MLLT3: variants seen among roughly 807,000 people sequenced by gnomAD.
The protein encoded by MLLT3 is MLLT3 super elongation complex subunit.
MLLT3 carries 4 observed loss-of-function variants against 53.2 expected under a neutral mutation model. The observed-to-expected ratio is 0.08, with a 90% CI of 0.04 to 0.17. MLLT3 has a LOEUF of 0.17. Ranked by LOEUF, MLLT3 falls within the 10% of genes least tolerant of loss-of-function variation. The pLI is 1.00. For synonymous variants in MLLT3, 283 were observed against 230.6 expected, an observed-to-expected ratio of 1.23 and a Z score of -2.06; for missense variants, 569 against 684.0, an observed-to-expected ratio of 0.83 and a Z score of 1.87.
At chr9:20,413,493 A>C (rs1317769988) in intron 5 of MLLT3, among the ~76,000 whole-genome samples, 2 of 152,214 alleles carry the variant, frequency 1.3e-5, no homozygotes, top group African/African-American at 4.8e-5. Context: ...CTATGGAAAT[A>C]TCTTTCCTTT....
rs1365455819 is a variant in MLLT3, at chr9:20,346,367, A to G, written c.*76T>C. The G allele has an allele frequency of 2.8e-6, 4 of 1,428,810 alleles. No individual in the cohort carries two copies. In the African/African-American group the frequency reaches 5.8e-5, roughly 21 times the overall value. 88.5% of individuals were successfully genotyped at this position (1,428,810 alleles called of 1,614,324 possible). ...TGTTTTCATATAAACAACAAGAACAAAAAATCACAACCAAAAAAAAAAAAA... is the reference window on the plus strand; with the variant it reads ...TGTTTTCATATAAACAACAAGAACAGAAAATCACAACCAAAAAAAAAAAAA... On this transcript the variant is annotated 3_prime_UTR_variant, in exon 11 of 11. Transcript: ENST00000380338.
intron 2 of MLLT3, among the ~76,000 whole-genome samples, chr9:20,582,389 C>T (rs1381286450): frequency 6.6e-6 from 1 of 152,104 alleles, no homozygotes; most frequent in Non-Finnish European, 1.5e-5. Context: ...TCTACCTATT[C>T]GTCCCTTCCT....
In MLLT3 at chr9:20,527,236, A is replaced by T. The variant is rs529036443; in HGVS notation, c.194-70450T>A. Among the ~76,000 whole-genome samples, 12 of 152,320 alleles carry T rather than the reference A, an allele frequency of 7.9e-5. No individual in the cohort carries two copies. In the East Asian group the frequency reaches 1.9e-3, roughly 25 times the overall value. On this transcript the variant is annotated intron_variant, in intron 2 of 10. Transcript: ENST00000380338. ...AGGGAAATCTGGAGGTGAACCATCA[A>T]GAAATTTAATACATTTATCAGGTAG...
intron 5 of MLLT3, among the ~76,000 whole-genome samples, chr9:20,384,262 G>A (rs1212863764): frequency 6.6e-6 from 1 of 151,924 alleles, no homozygotes; most frequent in Non-Finnish European, 1.5e-5. Flanking sequence ...ATATTACAAA[G>A]GAATACAGAG....
chr9:20,543,862 T>C (rs1207039962), intron 2 of MLLT3, among the ~76,000 whole-genome samples: 6 of 152,178 alleles, frequency 3.9e-5, no homozygotes, highest in Admixed American at 6.5e-5. Flanking sequence ...ATGGTGCCAA[T>C]AGACTTGCTT....
intron 2 of MLLT3, among the ~76,000 whole-genome samples, chr9:20,510,272 C>T (rs986247045): frequency 2.0e-5 from 3 of 151,966 alleles, no homozygotes; most frequent in East Asian, 3.9e-4. Context: ...TTAAAATATG[C>T]GAAAAGGTAC....
intron 10 of MLLT3, among the ~76,000 whole-genome samples, chr9:20,352,491 C>T (rs1391307769): frequency 6.6e-6 from 1 of 152,158 alleles, no homozygotes; most frequent in East Asian, 1.9e-4. Context: ...TTAAGTCCTG[C>T]TTCCTTACCC....
intron 2 of MLLT3, among the ~76,000 whole-genome samples, chr9:20,572,062 A>G (rs1044478747): frequency 1.3e-5 from 2 of 152,232 alleles, no homozygotes; most frequent in African/African-American, 2.4e-5. Flanking sequence ...TATGTCAAAG[A>G]GACACATGGA....
intron 2 of MLLT3, among the ~76,000 whole-genome samples, chr9:20,594,774 A>T (rs985697400): frequency 6.6e-6 from 1 of 152,206 alleles, no homozygotes; most frequent in African/African-American, 2.4e-5. Context: ...ACGCATTAGC[A>T]TGGTAAAAGA....
chr9:20,422,092 G>C (rs1197187030), intron 4 of MLLT3, among the ~76,000 whole-genome samples: 1 of 151,932 alleles, frequency 6.6e-6, no homozygotes, highest in African/African-American at 2.4e-5. Context: ...CTCAGTCAAT[G>C]GGCAGAAGAC....
chr9:20,622,476 A>G lies in MLLT3; in HGVS notation c.-220T>C. The stretch of plus-strand genomic sequence containing the variant: ...AAGCAAAAGCAGCAGCAGCAGCAGC[A>G]GCTCCAGGGTAAAGAAGATGATTGC... On this transcript the variant is annotated 5_prime_UTR_variant, in exon 1 of 11. Transcript: ENST00000380338. 1.9e-6 allele frequency: 1 copy of G among 536,658 alleles called. No individual in the cohort carries two copies. Among genetic ancestry groups the G allele is most frequent in the South Asian group, 2.6e-5 (1 of 38,752 alleles). The allele number at this position is 536,658 out of a possible 1,614,324, so 33.2% of individuals were successfully genotyped here. A position where few individuals can be genotyped will look rare whatever the true frequency, so the allele number is the denominator to read the frequency against.
chr9:20,613,249 C>A (rs1000620082), intron 2 of MLLT3, among the ~76,000 whole-genome samples: 5 of 152,070 alleles, frequency 3.3e-5, no homozygotes, highest in Non-Finnish European at 5.9e-5. Flanking sequence ...ATACTAAAAA[C>A]CACAGACTTG....
intron 2 of MLLT3, among the ~76,000 whole-genome samples, chr9:20,565,970 ATATATATATATATTTATT>A (rs1819358350): frequency 3.5e-5 from 1 of 28,642 alleles, no homozygotes; most frequent in African/African-American, 1.4e-4. Flanking sequence ...ATATATATTT[ATATATATATATATTTATT>A]TATATATTTA....
At chr9:20,432,900 C>T (rs1018195415) in intron 4 of MLLT3, among the ~76,000 whole-genome samples, 3 of 151,946 alleles carry the variant, frequency 2.0e-5, no homozygotes, top group South Asian at 2.1e-4. Context: ...ATGGCTGACC[C>T]TAAAAGGCAC....
rs7031024 is a variant in MLLT3 at position 20,589,832 on chromosome 9, T to G, written c.193+30822A>C. Among the ~76,000 whole-genome samples, 143 of 151,756 alleles carry G rather than the reference T, an allele frequency of 9.4e-4. 1 individual carries two copies. Among genetic ancestry groups the G allele is most frequent in the Middle Eastern group, 3.4e-3 (1 of 292 alleles). ...TTCCAGTGATTCTTCTGCCTCAGCC[T>G]CCCAAGTAGCTGGGATTACAGGTGC... On this transcript the variant is annotated intron_variant, in intron 2 of 10. Transcript: ENST00000380338.
intron 5 of MLLT3, among the ~76,000 whole-genome samples, chr9:20,408,574 G>A (rs1224863299): frequency 2.6e-5 from 4 of 152,188 alleles, no homozygotes; most frequent in Admixed American, 2.0e-4. Context: ...AGCCTCCGAT[G>A]AGAACCTGCC....
chr9:20,586,978 G>C (rs1297562936), intron 2 of MLLT3, among the ~76,000 whole-genome samples: 1 of 151,956 alleles, frequency 6.6e-6, no homozygotes, highest in Admixed American at 6.6e-5. Context: ...TTCCTAAGTA[G>C]AAGATGTGAT....
rs767180736 is a variant in MLLT3, at chr9:20,414,342, GCTA to G, written c.501_503del (p.Ser190del). The G allele has an allele frequency of 1.5e-3, 2,365 of 1,577,560 alleles. 10 individuals are homozygous for G. The highest frequency in any genetic ancestry group is 4.6e-3 in the African/African-American group (337 of 72,730). On this transcript the variant is annotated inframe_deletion, in exon 5 of 11. Transcript: ENST00000380338. ...TGCTGCTGCTGCTGCTGCTGCTGCT[GCTA>G]CTGCTGCTGCTGCTGCTGCTGCTGC...
At chr9:20,592,322 G>A (rs1587110644) in intron 2 of MLLT3, among the ~76,000 whole-genome samples, 1 of 152,244 alleles carries the variant, frequency 6.6e-6, no homozygotes, top group African/African-American at 2.4e-5. Flanking sequence ...ACCCAAATGG[G>A]GTGGCTTAAG....
Sources: gnomAD v4.1 joint callset for allele counts (sites outside exome capture counted in the v4.1 genomes callset) on GRCh38, gnomAD v4.1.1 for gene constraint, MANE v1.5 for transcripts, NCBI Gene and HGNC (gene_info 2026-07-23, HGNC 2026-07-21) for gene names.